SEPTIN10: variants seen among roughly 807,000 people sequenced by gnomAD.
The protein encoded by SEPTIN10 is septin 10.
Under a neutral mutation model 54.8 loss-of-function variants are expected in SEPTIN10, and 66 were observed. The observed-to-expected ratio is 1.21, with a 90% CI of 0.99 to 1.48. The LOEUF (loss-of-function observed/expected upper bound fraction) is 1.48. SEPTIN10 is among the 40% of genes most tolerant of loss of function. The pLI, the probability that SEPTIN10 is intolerant of heterozygous loss-of-function variation, is 0.00. For missense variants in SEPTIN10, 620 were observed against 545.6 expected (o/e 1.14, Z -1.36); for synonymous variants, 161 against 181.0 (o/e 0.89, Z 0.89).
intron 2 of SEPTIN10, among the ~76,000 whole-genome samples, chr2:109,591,668 A>C (rs1399904254): frequency 2.0e-5 from 3 of 152,170 alleles, no homozygotes; most frequent in Non-Finnish European, 4.4e-5. Context: ...AGGCGGAGGC[A>C]GATGGATCAC....
intron 8 of SEPTIN10, among the ~76,000 whole-genome samples, chr2:109,558,984 C>T (rs1235620993): frequency 6.6e-6 from 1 of 151,842 alleles, no homozygotes; most frequent in South Asian, 2.1e-4. Flanking sequence ...CTCCTGGGTT[C>T]AAGCAATTCT....
chr2:109,550,347 C>CT (rs571190842), intron 9 of SEPTIN10, among the ~76,000 whole-genome samples: 216 of 151,124 alleles, frequency 1.4e-3, no homozygotes, highest in African/African-American at 4.8e-3. Flanking sequence ...GATTCTCGCT[C>CT]TGTTGCCCAG....
intron 8 of SEPTIN10, among the ~76,000 whole-genome samples, chr2:109,554,445 G>A (rs764685996): frequency 6.6e-6 from 1 of 152,118 alleles, no homozygotes; most frequent in Non-Finnish European, 1.5e-5. Context: ...ATGGGTGGCT[G>A]GAGCCTATCC....
intron 8 of SEPTIN10, among the ~76,000 whole-genome samples, chr2:109,561,410 C>T (rs1685630362): frequency 6.6e-6 from 1 of 152,132 alleles, no homozygotes; most frequent in African/African-American, 2.4e-5. Flanking sequence ...CTACAATGTA[C>T]TGTGCAATTA....
rs1178107584 is a variant in SEPTIN10, at chr2:109,596,392, T to C, written c.31-3273A>G. Among the ~76,000 whole-genome samples the C allele has an allele frequency of 8.6e-5, 13 of 151,920 alleles. No homozygotes were observed. In the East Asian group the frequency reaches 2.5e-3, roughly 29 times the overall value. On this transcript the variant is annotated intron_variant, in intron 1 of 10. Transcript: ENST00000397712. Reference sequence around the variant, plus strand: ...CAGCAGTTTGGGAGGCCGAGGTGGGTGGATCATGAGGTCAGGAGATCAAGA... The same window carrying C: ...CAGCAGTTTGGGAGGCCGAGGTGGGCGGATCATGAGGTCAGGAGATCAAGA...
At chr2:109,576,808 A>G (rs7565483) in intron 4 of SEPTIN10, among the ~76,000 whole-genome samples, 20,499 of 152,250 alleles carry the variant, frequency 0.13, 1,865 homozygotes, top group African/African-American at 0.26. Context: ...AAAAATATGA[A>G]TCAGAGCGAT....
In SEPTIN10 at chr2:109,593,037, AAAGACATACTCACTATCTG is replaced by A. The variant is rs1694438656; in HGVS notation, c.94_99+13del. ...TAGAGTACAATATGGTATCTATTTA[AAAGACATACTCACTATCTG>A]TTCATCATCTGATCCTTGTGAAGAC... On this transcript the variant is annotated splice_donor_variant and splice_donor_5th_base_variant and coding_sequence_variant and intron_variant, in exon 2 of 11. Coordinates refer to ENST00000397712, the MANE Select transcript of SEPTIN10 (RefSeq NM_144710.5). LOFTEE classifies it high-confidence loss of function. 6.4e-7 allele frequency: 1 copy of A among 1,553,676 alleles called. No homozygotes were observed. The highest frequency in any genetic ancestry group is 8.7e-7 in the Non-Finnish European group (1 of 1,148,478).
Position 109,546,224 on chromosome 2 carries a change from A to G in SEPTIN10, c.1175T>C (p.Phe392Ser), listed in dbSNP as rs1046644326. The G allele has an allele frequency of 6.4e-7, 1 of 1,552,830 alleles. No homozygotes were observed. The highest frequency in any genetic ancestry group is 8.7e-7 in the Non-Finnish European group (1 of 1,152,090). The change falls in exon 10 of 11, where the codon TTT (phenylalanine) becomes TCT (serine). Residue 392 changes from phenylalanine to serine, a missense_variant. By Grantham distance (155) the Phe-to-Ser change is radical. Transcript: ENST00000397712. ...TTGGTGAAGTCTCTTAAGGTGCTCA[A>G]ATTTGGCCTGTAGCTGGAAACAAAA... ...KEAERELQAK[F>S]EHLKRLHQEE... is the part of the protein sequence containing the mutation.
At chr2:109,567,528 G>C (rs1334881422) in intron 6 of SEPTIN10, among the ~76,000 whole-genome samples, 1 of 152,120 alleles carries the variant, frequency 6.6e-6, no homozygotes, top group Non-Finnish European at 1.5e-5. Flanking sequence ...ATCTTTCTAA[G>C]GCAATTACAT....
At chr2:109,609,566 A>G (rs1698770409) in intron 1 of SEPTIN10, among the ~76,000 whole-genome samples, 1 of 149,988 alleles carries the variant, frequency 6.7e-6, no homozygotes, top group Non-Finnish European at 1.5e-5. Flanking sequence ...TTCACTGCCG[A>G]GATCGCGCCA....
At chr2:109,577,221 A>T (rs1689886123) in intron 4 of SEPTIN10, among the ~76,000 whole-genome samples, 1 of 152,238 alleles carries the variant, frequency 6.6e-6, no homozygotes. Context: ...AATTTCAAGT[A>T]TGTGAGCGAC....
chr2:109,566,220 CA>C (rs1225743579), intron 6 of SEPTIN10, among the ~76,000 whole-genome samples: 4 of 151,912 alleles, frequency 2.6e-5, no homozygotes, highest in Non-Finnish European at 5.9e-5. Context: ...TCCTGGGTTC[CA>C]GTGATTCTCC....
chr2:109,545,944 G>C (rs1288691432), intron 10 of SEPTIN10, 106 bp downstream of exon 10: 1 of 1,469,058 alleles, frequency 6.8e-7, no homozygotes, highest in Non-Finnish European at 9.1e-7. Flanking sequence ...GTTGGAGAAG[G>C]AAGACAAAGC....
chr2:109,545,517 G>A, intron 10 of SEPTIN10: 3 of 1,535,888 alleles, frequency 2.0e-6, no homozygotes, highest in South Asian at 1.2e-5. Flanking sequence ...TCAATGCACA[G>A]GAGTTCGAAT....
chr2:109,576,308 G>A (rs190020976), intron 4 of SEPTIN10, among the ~76,000 whole-genome samples: 21 of 151,968 alleles, frequency 1.4e-4, no homozygotes, highest in Admixed American at 1.2e-3. Context: ...TGTGTTGCCC[G>A]GGCTGGTCTT....
intron 4 of SEPTIN10, among the ~76,000 whole-genome samples, chr2:109,581,294 G>A (rs954345208): frequency 3.9e-5 from 6 of 152,024 alleles, no homozygotes; most frequent in African/African-American, 1.4e-4. Flanking sequence ...AAAATTAGCC[G>A]GGTGTCATAG....
chr2:109,599,184 G>A lies in SEPTIN10; in HGVS notation c.31-6065C>T, dbSNP rs534090712. Among the ~76,000 whole-genome samples the A allele has an allele frequency of 1.2e-3, 188 of 152,254 alleles. 1 individual carries two copies. Among genetic ancestry groups the A allele is most frequent in the African/African-American group, 3.9e-3 (163 of 41,548 alleles). ...AAAAGAACTCAAGTGGAGGCCGGGC[G>A]CGGTGGCTCACACCTGTAACCCCAG... On this transcript the variant is annotated intron_variant, in intron 1 of 10. Coordinates refer to ENST00000397712, the MANE Select transcript of SEPTIN10 (RefSeq NM_144710.5).
At chr2:109,565,136 T>C (rs1474866314) in intron 7 of SEPTIN10, among the ~76,000 whole-genome samples, 2 of 152,176 alleles carry the variant, frequency 1.3e-5, no homozygotes, top group Non-Finnish European at 2.9e-5. Flanking sequence ...AGTATAATTA[T>C]TACTTTTACA....
intron 4 of SEPTIN10, among the ~76,000 whole-genome samples, chr2:109,575,135 G>T (rs772166606): frequency 6.6e-6 from 1 of 152,174 alleles, no homozygotes; most frequent in Non-Finnish European, 1.5e-5. Context: ...AAATGGTATT[G>T]AATTTACACT....
Sources: allele counts gnomAD v4.1 joint callset (sites outside exome capture counted in the v4.1 genomes callset), GRCh38; gene constraint gnomAD v4.1.1; transcripts MANE v1.5; gene names NCBI Gene and HGNC (gene_info 2026-07-23, HGNC 2026-07-21).